NSD1: variants seen among roughly 807,000 people sequenced by gnomAD.
The protein encoded by NSD1 is nuclear receptor binding SET domain protein 1.
In NSD1, 26 loss-of-function variants were observed where a neutral mutation model predicts 242.7. The observed-to-expected ratio is 0.11, with a 90% CI of 0.08 to 0.15. NSD1 has a LOEUF of 0.15. NSD1 is among the 10% of genes least tolerant of loss of function. NSD1 has a pLI of 1.00. For missense variants in NSD1, 2,495 were observed against 3,272.8 expected (o/e 0.76, Z 5.80); for synonymous variants, 1,106 against 1,178.1 (o/e 0.94, Z 1.25).
intron 5 of NSD1, chr5:177,220,880 A>T (rs1437052069): frequency 3.0e-6 from 1 of 331,684 alleles, no homozygotes; most frequent in African/African-American, 2.3e-5. Flanking sequence ...CTCTTTTTTT[A>T]TGGAGACAGG....
At chr5:177,260,762 C>CA (rs1406148178) in intron 14 of NSD1, among the ~76,000 whole-genome samples, 1 of 151,514 alleles carries the variant, frequency 6.6e-6, no homozygotes, top group Non-Finnish European at 1.5e-5. Flanking sequence ...GCAGTAAAGA[C>CA]AAAAATTCAC....
chr5:177,273,654 T>C lies in NSD1; in HGVS notation c.5510-18T>C. 3 of 1,562,656 alleles carry C rather than the reference T, an allele frequency of 1.9e-6. No homozygotes were observed. The highest frequency in any genetic ancestry group is 2.6e-6 in the Non-Finnish European group (3 of 1,133,364). On this transcript the variant is annotated intron_variant, in intron 16 of 22. Transcript: ENST00000439151. ...CACCCAGAGATTTTGAAGTGACTTG[T>C]GCTGTCTGTTTTCATAGCTCTTCAG...
intron 5 of NSD1, 120 bp from the exon 6 acceptor site, chr5:177,235,701 G>A: frequency 1.5e-6 from 2 of 1,318,406 alleles, no homozygotes; most frequent in Non-Finnish European, 1.1e-6. Flanking sequence ...TTAAGCCATA[G>A]TCTATTTTAC....
chr5:177,291,296 C>T (rs947649575), intron 21 of NSD1, among the ~76,000 whole-genome samples: 10 of 152,118 alleles, frequency 6.6e-5, no homozygotes, highest in African/African-American at 2.2e-4. Flanking sequence ...GTTGAATGAA[C>T]GAGAAATAGG....
At chr5:177,276,016 G>A (rs1758353229) in intron 17 of NSD1, among the ~76,000 whole-genome samples, 1 of 152,070 alleles carries the variant, frequency 6.6e-6, no homozygotes, top group Non-Finnish European at 1.5e-5. Flanking sequence ...CCGCTTCGTG[G>A]GCGCAAGTGA....
In NSD1 at chr5:177,298,663, A is replaced by G. The variant is rs1234760537; in HGVS notation, c.*3204A>G. 4.3e-6 allele frequency: 1 copy of G among 233,062 alleles called. No homozygotes were observed. The highest frequency in any genetic ancestry group is 2.2e-5 in the African/African-American group (1 of 45,322). The allele number at this position is 233,062 out of a possible 1,614,324, so 14.4% of individuals were successfully genotyped here. On this transcript the variant is annotated 3_prime_UTR_variant, in exon 23 of 23. Coordinates refer to ENST00000439151, the MANE Select transcript of NSD1 (RefSeq NM_022455.5). ...TTCTTTACATCCTTCACCCCACACT[A>G]TGGTCAGGGCATGAAACACCCTGTT...
intron 8 of NSD1, among the ~76,000 whole-genome samples, chr5:177,240,973 T>C (rs969401613): frequency 6.6e-6 from 1 of 151,272 alleles, no homozygotes; most frequent in Non-Finnish European, 1.5e-5. Context: ...GAGCTATGAT[T>C]GCGCTATTGC....
chr5:177,294,915 C>A lies in NSD1; in HGVS notation c.7547C>A (p.Ser2516Tyr), dbSNP rs1426030872. 1 of 1,614,108 alleles carries A rather than the reference C, an allele frequency of 6.2e-7. No individual in the cohort carries two copies. Among genetic ancestry groups the A allele is most frequent in the South Asian group, 1.1e-5 (1 of 91,088 alleles). Reference protein sequence around the residue: ...KGCVSDPLQTSGKAAAPSEDP... With the variant: ...KGCVSDPLQTYGKAAAPSEDP... ...TGTGTGTCAGATCCTCTTCAGACAT[C>A]TGGGAAAGCAGCAGCCCCTTCAGAG... Residue 2516 changes from serine (S) to tyrosine (Y), a missense_variant, in exon 23 of 23, where the codon TCT becomes TAT. By Grantham distance (144) the Ser-to-Tyr change is moderately radical. Transcript: ENST00000439151.
At chr5:177,252,097 G>A (rs1474373704) in intron 12 of NSD1, among the ~76,000 whole-genome samples, 2 of 152,190 alleles carry the variant, frequency 1.3e-5, no homozygotes, top group African/African-American at 2.4e-5. Flanking sequence ...GCAAAGATGA[G>A]CTGATGCCAT....
rs577796830 is a variant in NSD1, at chr5:177,177,838, G to T, written c.928-14046G>T. 7.6e-4 allele frequency among the ~76,000 whole-genome samples: 115 copies of T among 152,176 alleles called. 2 individuals are homozygous for T. The highest frequency in any genetic ancestry group is 2.9e-5 in the Non-Finnish European group (2 of 68,000). On this transcript the variant is annotated intron_variant, in intron 2 of 22. Coordinates refer to ENST00000439151, the MANE Select transcript of NSD1 (RefSeq NM_022455.5). Reference sequence around the variant, plus strand: ...TTCTGTTAAGATTTTAGAGCTATTTGTTTTTGGTTTTTGCTTAATTTTTTG... The same window carrying T: ...TTCTGTTAAGATTTTAGAGCTATTTTTTTTTGGTTTTTGCTTAATTTTTTG...
intron 6 of NSD1, among the ~76,000 whole-genome samples, chr5:177,236,272 A>G (rs1413822154): frequency 6.6e-6 from 1 of 152,206 alleles, no homozygotes; most frequent in African/African-American, 2.4e-5. Flanking sequence ...TCAAAAGTAA[A>G]TATATCTTAT....
At chr5:177,278,258 C>A (rs1046298689) in intron 17 of NSD1, among the ~76,000 whole-genome samples, 5 of 152,164 alleles carry the variant, frequency 3.3e-5, no homozygotes, top group South Asian at 2.1e-4. Context: ...CAAGCACTTG[C>A]CACCATGCCC....
chr5:177,156,804 G>A (rs1368419103), intron 2 of NSD1, among the ~76,000 whole-genome samples: 6 of 151,990 alleles, frequency 3.9e-5, no homozygotes, highest in Admixed American at 2.6e-4. Context: ...AGGCTGGGGC[G>A]GGCAGATCTT....
chr5:177,248,185 A>G lies in NSD1; in HGVS notation c.4502A>G (p.Glu1501Gly), dbSNP rs996463118. ...ACATTATTTTTTCTTTGCAAGGGAG[A>G]ACTAATGCCTCACAGGACGGCCACA... ...SSKEIPGSEG[E>G]LMPHRTATSP... The change falls in exon 11 of 23, where the codon GAA becomes GGA. Residue 1501 changes from glutamate to glycine, a missense_variant. By Grantham distance (98) the Glu-to-Gly change is moderately conservative. Around this residue, in one of 19 missense-constraint regions of NSD1, gnomAD observed 97 missense variants for 97.7 expected, o/e 0.99. Transcript: ENST00000439151. 1 of 1,613,966 alleles carries G rather than the reference A, an allele frequency of 6.2e-7. No homozygotes were observed. Among genetic ancestry groups the G allele is most frequent in the Non-Finnish European group, 8.5e-7 (1 of 1,180,034 alleles).
intron 2 of NSD1, among the ~76,000 whole-genome samples, chr5:177,139,570 C>G (rs998666439): frequency 2.0e-4 from 30 of 152,144 alleles, no homozygotes; most frequent in Non-Finnish European, 3.7e-4. Flanking sequence ...TCAACTTGTT[C>G]ACAGTTGATT....
At chr5:177,132,207 G>T (rs1388062498), upstream of NSD1, among the ~76,000 whole-genome samples, 1 of 152,010 alleles carries the variant, frequency 6.6e-6, no homozygotes, top group Non-Finnish European at 1.5e-5. This position sits in a 1 kb window ranked among gnomAD's most constrained non-coding sequence, Gnocchi z 7.5. Flanking sequence ...GCTCCGCTGG[G>T]GTCCAGATGC....
chr5:177,150,308 T>C (rs530687054), intron 2 of NSD1, among the ~76,000 whole-genome samples: 1 of 152,156 alleles, frequency 6.6e-6, no homozygotes, highest in African/African-American at 2.4e-5. Flanking sequence ...TTTTTTGTAT[T>C]TTTGTAGAGA....
intron 4 of NSD1, among the ~76,000 whole-genome samples, chr5:177,207,622 T>TA (rs1171611680): frequency 3.5e-5 from 5 of 144,924 alleles, no homozygotes; most frequent in Admixed American, 1.4e-4. Flanking sequence ...TTTTTTTTTT[T>TA]AGAGAAGGGG....
chr5:177,154,737 C>T (rs1204404810), intron 2 of NSD1, among the ~76,000 whole-genome samples: 2 of 152,072 alleles, frequency 1.3e-5, no homozygotes, highest in Admixed American at 6.6e-5. Context: ...CCTCTGTCGC[C>T]CCAGCTGGAA....
Sources: allele counts gnomAD v4.1 joint callset (sites outside exome capture counted in the v4.1 genomes callset), GRCh38; gene constraint gnomAD v4.1.1; regional missense constraint gnomAD v4.1.1; non-coding constraint Gnocchi (gnomAD v3.1); transcripts MANE v1.5; gene names NCBI Gene and HGNC (gene_info 2026-07-23, HGNC 2026-07-21).